DNAH14: variants seen among roughly 807,000 people sequenced by gnomAD.
The protein encoded by DNAH14 is axonemal beta dynein heavy chain 14.
Under a neutral mutation model 520.9 loss-of-function variants are expected in DNAH14, and 478 were observed. That is an observed-to-expected ratio of 0.92 (90% CI 0.85 to 0.99). The LOEUF is 0.99. Among genes scored for constraint, DNAH14 ranks in the 50% least tolerant of loss-of-function variants. The pLI is 0.00. For synonymous variants in DNAH14, 1,581 were observed against 1,757.2 expected, an observed-to-expected ratio of 0.90 and a Z score of 2.51; for missense variants, 4,831 against 5,234.5, an observed-to-expected ratio of 0.92 and a Z score of 2.38.
chr1:225,318,141 T>G (rs1043081380), intron 60 of DNAH14, among the ~76,000 whole-genome samples: 16 of 152,162 alleles, frequency 1.1e-4, no homozygotes, highest in African/African-American at 3.9e-4. Context: ...AGTTCAAATG[T>G]CTTACTTTTG....
chr1:224,992,919 G>C (rs551426277), intron 8 of DNAH14, among the ~76,000 whole-genome samples: 1 of 152,066 alleles, frequency 6.6e-6, no homozygotes, highest in Non-Finnish European at 1.5e-5. Flanking sequence ...ATGAAAGAAT[G>C]TTGAATTTTA....
intron 17 of DNAH14, among the ~76,000 whole-genome samples, chr1:225,077,184 G>T (rs911832557): frequency 6.6e-6 from 1 of 152,060 alleles, no homozygotes; most frequent in African/African-American, 2.4e-5. Context: ...TCTTGCAGTT[G>T]TTTTCCTTTA....
Position 225,257,994 on chromosome 1 carries a change from C to A in DNAH14, c.6900C>A (p.Gly2300=). 6.5e-7 allele frequency: 1 copy of A among 1,548,098 alleles called. No homozygotes were observed. Among genetic ancestry groups the A allele is most frequent in the Non-Finnish European group, 8.7e-7 (1 of 1,145,928 alleles). The change falls in exon 45 of 86, where the codon GGC becomes GGA. Residue 2300 remains glycine, a synonymous_variant. Transcript: ENST00000682510. ...TACTAACTAATCTTCAAAGATCTGG[C>A]GGAAACTTCTTGAAGATAACAGAAT... The part of the protein sequence containing the change: ...TSLLTNLQRS[G]GNFLKITECG...
chr1:225,096,347 A>T (rs1440997298), intron 21 of DNAH14, among the ~76,000 whole-genome samples: 1 of 152,202 alleles, frequency 6.6e-6, no homozygotes, highest in East Asian at 1.9e-4. Context: ...AAGCTATTGA[A>T]ATATAAAATA....
chr1:225,388,537 A>G lies in DNAH14; in HGVS notation c.13190+46A>G, dbSNP rs1342682379. On this transcript the variant is annotated intron_variant, in intron 82 of 85. Coordinates refer to ENST00000682510, the MANE Select transcript of DNAH14 (RefSeq NM_001367479.1). ...ACATTTCTTCCTCATTTTTGCTTAA[A>G]GCCCAAAGGTTTATGACATCATTTC... 2.5e-6 allele frequency: 3 copies of G among 1,178,900 alleles called. No homozygotes were observed. The East Asian group carries it at 7.8e-5, about 31-fold the overall frequency. The allele number at this position is 1,178,900 out of a possible 1,614,324, so 73.0% of individuals were successfully genotyped here. A position where few individuals can be genotyped will look rare whatever the true frequency, so the allele number is the denominator to read the frequency against.
At chr1:225,153,246 C>T (rs1363334368) in intron 33 of DNAH14, among the ~76,000 whole-genome samples, 4 of 152,122 alleles carry the variant, frequency 2.6e-5, no homozygotes, top group African/African-American at 7.2e-5. Context: ...TTTATTAAAA[C>T]ACAAAGTGCT....
At chr1:225,114,301 T>C (rs1389970988) in intron 23 of DNAH14, among the ~76,000 whole-genome samples, 1 of 152,114 alleles carries the variant, frequency 6.6e-6, no homozygotes, top group Non-Finnish European at 1.5e-5. Context: ...GGGCCTAGAA[T>C]GGGAGCCTCA....
intron 77 of DNAH14, among the ~76,000 whole-genome samples, chr1:225,374,182 T>TATA (rs1263904206): frequency 1.0e-5 from 1 of 97,128 alleles, no homozygotes. Context: ...TATATATATA[T>TATA]ACTATTCTAG....
intron 73 of DNAH14, chr1:225,354,147 C>T: frequency 4.3e-6 from 3 of 703,164 alleles, no homozygotes; most frequent in Non-Finnish European, 7.8e-6. Flanking sequence ...TAGCCCTGTC[C>T]CTTTTGGGAT....
chr1:225,324,195 G>T (rs2094609036), intron 62 of DNAH14, 27 bp from the exon 63 acceptor site: 1 of 1,550,000 alleles, frequency 6.5e-7, no homozygotes, highest in Non-Finnish European at 8.7e-7. Flanking sequence ...TCTTTCTCAT[G>T]TAATACATTA....
chr1:225,095,464 C>T (rs1488920078), intron 21 of DNAH14, among the ~76,000 whole-genome samples: 3 of 151,918 alleles, frequency 2.0e-5, no homozygotes, highest in Admixed American at 1.3e-4. Flanking sequence ...CACATGGACA[C>T]GAAGAATGGA....
chr1:225,069,129 T>G (rs1479238986), intron 17 of DNAH14, among the ~76,000 whole-genome samples: 1 of 152,140 alleles, frequency 6.6e-6, no homozygotes, highest in Admixed American at 6.6e-5. Flanking sequence ...ACAGTGGAGT[T>G]TTCTAAATAT....
At chr1:225,004,135 G>A (rs146130141) in intron 9 of DNAH14, among the ~76,000 whole-genome samples, 2 of 152,164 alleles carry the variant, frequency 1.3e-5, no homozygotes, top group African/African-American at 2.4e-5. Context: ...TATTATATGC[G>A]AAATGCTGTG....
chr1:224,972,965 A>C (rs1489451538), intron 7 of DNAH14, among the ~76,000 whole-genome samples: 1 of 152,132 alleles, frequency 6.6e-6, no homozygotes, highest in South Asian at 2.1e-4. Flanking sequence ...CCTGGTGCAG[A>C]TACTCCTTAC....
At chr1:225,148,299 A>AT (rs1246074417) in intron 31 of DNAH14, among the ~76,000 whole-genome samples, 1 of 145,814 alleles carries the variant, frequency 6.9e-6, no homozygotes, top group African/African-American at 2.6e-5. Context: ...AGTACCTGTT[A>AT]TTTTTTGACT....
chr1:225,294,087 G>A (rs1002988043), intron 55 of DNAH14, among the ~76,000 whole-genome samples: 11 of 152,056 alleles, frequency 7.2e-5, no homozygotes, highest in African/African-American at 2.4e-4. Context: ...GTCACATATG[G>A]CCTTTATTGT....
intron 65 of DNAH14, 87 bp from the exon 66 acceptor site, chr1:225,333,204 T>C: frequency 1.8e-6 from 2 of 1,107,170 alleles, no homozygotes; most frequent in Non-Finnish European, 2.5e-6. Flanking sequence ...ATTGCAATGA[T>C]AGATCCAACT....
intron 60 of DNAH14, among the ~76,000 whole-genome samples, chr1:225,315,841 G>A (rs1024893800): frequency 1.3e-5 from 2 of 152,204 alleles, no homozygotes; most frequent in Non-Finnish European, 2.9e-5. Context: ...CCAGATGCCA[G>A]CTGGAGCTCT....
At chr1:225,146,831 G>A (rs114890023) in intron 30 of DNAH14, among the ~76,000 whole-genome samples, 2,792 of 152,288 alleles carry the variant, frequency 0.018, 43 homozygotes, top group Non-Finnish European at 0.027. Context: ...TGTGCAATCC[G>A]TCAGAAGCTG....
Sources: gnomAD v4.1 joint callset for allele counts (sites outside exome capture counted in the v4.1 genomes callset) on GRCh38, gnomAD v4.1.1 for gene constraint, MANE v1.5 for transcripts, NCBI Gene and HGNC (gene_info 2026-07-23, HGNC 2026-07-21) for gene names.